CDHR4: variants seen among roughly 807,000 people sequenced by gnomAD.
The protein encoded by CDHR4 is cadherin-related family member 4.
A neutral mutation model predicts 88.4 loss-of-function variants in CDHR4; 89 were observed. The observed-to-expected ratio is 1.01, with a 90% confidence interval of 0.85 to 1.20. The LOEUF (loss-of-function observed/expected upper bound fraction) is 1.20. CDHR4 is among the 50% of genes most tolerant of loss of function. The pLI, the probability that CDHR4 is intolerant of heterozygous loss-of-function variation, is 0.00. For missense variants in CDHR4, 914 were observed against 1,007.2 expected, an observed-to-expected ratio of 0.91 and a Z score of 1.25; for synonymous variants, 368 against 399.2, an observed-to-expected ratio of 0.92 and a Z score of 0.93.
Position 49,796,959 on chromosome 3 carries a change from T to G in CDHR4, c.569A>C (p.Gln190Pro). The G allele has an allele frequency of 6.4e-7, 1 of 1,551,738 alleles. No individual in the cohort carries two copies. The highest frequency in any genetic ancestry group is 8.7e-7 in the Non-Finnish European group (1 of 1,146,990). The change falls in exon 5 of 19, where the codon CAG becomes CCG. Residue 190 changes from glutamine (Q) to proline (P), a missense_variant. By Grantham distance (76) the Gln-to-Pro change is moderately conservative. Coordinates refer to ENST00000412678, the MANE Select transcript of CDHR4 (RefSeq NM_001007540.4). ...PFSINEQGWL[Q>P]APSQGLLGQA... ...GCCTAGGAGGCCCTGGGATGGTGCC[T>G]GCAGCCAACCTTGCTCATTGATGGA...
upstream of CDHR4, among the ~76,000 whole-genome samples, chr3:49,801,576 C>T (rs931665085): frequency 6.6e-6 from 1 of 152,228 alleles, no homozygotes; most frequent in African/African-American, 2.4e-5. Context: ...TCAAGGGTTA[C>T]GTGTCCATAA....
chr3:49,797,049 G>T lies in CDHR4; in HGVS notation c.496-17C>A, dbSNP rs1229522157. 1 of 1,547,074 alleles carries T rather than the reference G, an allele frequency of 6.5e-7. No homozygotes were observed. ...AATGCTCATCTGACAGAACAGAGAT[G>T]CTGGCAACCACATTCAGCCCCCAGT... is the stretch of plus-strand genomic sequence containing the variant. On this transcript the variant is annotated splice_polypyrimidine_tract_variant and intron_variant, in intron 4 of 18. Transcript: ENST00000412678.
At chr3:49,801,768 G>A (rs1041582494), upstream of CDHR4, among the ~76,000 whole-genome samples, 1 of 152,188 alleles carries the variant, frequency 6.6e-6, no homozygotes, top group African/African-American at 2.4e-5. Flanking sequence ...ATACCCCAAA[G>A]TGACCCCCTT....
chr3:49,801,394 T>C (rs761323961), upstream of CDHR4, among the ~76,000 whole-genome samples: 28 of 152,216 alleles, frequency 1.8e-4, no homozygotes, highest in Non-Finnish European at 2.6e-4. Flanking sequence ...TCCCTCTGAC[T>C]ACACTGATTT....
intron 10 of CDHR4, 63 bp downstream of exon 10, chr3:49,794,545 C>T (rs2081237484): frequency 2.3e-6 from 3 of 1,315,852 alleles, no homozygotes; most frequent in African/African-American, 1.5e-5. Context: ...CTGTCCTGAG[C>T]ATGGGAAGCG....
intron 10 of CDHR4, among the ~76,000 whole-genome samples, chr3:49,794,314 C>T (rs1050172076): frequency 6.6e-6 from 1 of 151,924 alleles, no homozygotes; most frequent in Non-Finnish European, 1.5e-5. Context: ...AGGAGAATGG[C>T]GTGAACCCGG....
chr3:49,791,932 G>T lies in CDHR4; in HGVS notation c.2166C>A (p.Ser722Arg). 7.1e-6 allele frequency: 11 copies of T among 1,551,730 alleles called. No homozygotes were observed. Among genetic ancestry groups the T allele is most frequent in the Non-Finnish European group, 9.6e-6 (11 of 1,146,994 alleles). The change falls in exon 16 of 19, where the codon AGC becomes AGA. Residue 722 changes from serine (S) to arginine (R), a missense_variant. Physicochemically the swap from Ser to Arg is moderately radical, Grantham distance 110 (BLOSUM62 -1). Coordinates refer to ENST00000412678, the MANE Select transcript of CDHR4 (RefSeq NM_001007540.4). ...QGLAQLLQAP[S>R]KPAQALLLNS... ...TTAGCAGCAAAGCCTGGGCTGGTTT[G>T]CTGGGTGCTTGCAGCAGCTGGGCCA...
chr3:49,797,999 C>A (rs113096097), intron 4 of CDHR4, among the ~76,000 whole-genome samples: 1 of 151,108 alleles, frequency 6.6e-6, no homozygotes, highest in African/African-American at 2.4e-5. Flanking sequence ...CCTCCACCTC[C>A]TGGGTTCAAG....
chr3:49,802,334 C>T (rs1436364809), upstream of CDHR4, among the ~76,000 whole-genome samples: 3 of 152,134 alleles, frequency 2.0e-5, no homozygotes, highest in Non-Finnish European at 2.9e-5. Flanking sequence ...CCACCACGCC[C>T]GGCTAATTTT....
Position 49,791,800 on chromosome 3 carries a change from T to G in CDHR4, c.2197A>C (p.Ile733Leu). ...TCGATGGATCCCTCAGTTCCCTGGA[T>G]GCTGGGGCAAAGTACGAGCAAGAGT... ...KPAQALLLNS[I>L]QGTEGSIEGF... The change falls in exon 17 of 19, where the codon ATC becomes CTC. Residue 733 changes from isoleucine to leucine, a missense_variant and splice_region_variant. Physicochemically the swap from Ile to Leu is conservative, Grantham distance 5. Transcript: ENST00000412678. The G allele has an allele frequency of 6.4e-7, 1 of 1,551,714 alleles. No homozygotes were observed. Among genetic ancestry groups the G allele is most frequent in the Admixed American group, 2.0e-5 (1 of 51,004 alleles).
rs766303363 is a variant in CDHR4 at position 49,793,631 on chromosome 3, G to C, written c.1575C>G (p.Asn525Lys). 202 of 1,551,616 alleles carry C rather than the reference G, an allele frequency of 1.3e-4. No individual in the cohort carries two copies. Among genetic ancestry groups the C allele is most frequent in the Non-Finnish European group, 1.7e-4 (193 of 1,147,004 alleles). The part of the protein sequence containing the change: ...VLVIDHGQDQ[N>K]PNHHLSGSCT... ...AGGAGCCTGAGAGGTGATGGTTGGG[G>C]TTCTGGTCTTGGCCATGGTCAATCA... Residue 525 changes from asparagine (N) to lysine (K), a missense_variant, in exon 12 of 19, where the codon AAC (asparagine) becomes AAG (lysine). Physicochemically the swap from Asn to Lys is moderately conservative, Grantham distance 94. Coordinates refer to ENST00000412678, the MANE Select transcript of CDHR4 (RefSeq NM_001007540.4).
chr3:49,794,791 A>G (rs2081242624), intron 9 of CDHR4, 90 bp from the exon 10 acceptor site: 2 of 1,424,468 alleles, frequency 1.4e-6, no homozygotes, highest in Non-Finnish European at 1.9e-6. Context: ...GCATCCACAA[A>G]TATCTTGCCT....
upstream of CDHR4, chr3:49,799,890 A>C (rs910717158): frequency 6.6e-7 from 1 of 1,521,100 alleles, no homozygotes; most frequent in Non-Finnish European, 9.1e-7. Flanking sequence ...TTGCCAGGTC[A>C]GTTGCTCAAA....
rs1382980583 is a variant in CDHR4, at chr3:49,791,432, G to A, written c.2311+9C>T. 4 of 1,542,188 alleles carry A rather than the reference G, an allele frequency of 2.6e-6. No individual in the cohort carries two copies. The highest frequency in any genetic ancestry group is 2.8e-5 in the African/African-American group (2 of 72,048). On this transcript the variant is annotated intron_variant, in intron 18 of 18. Transcript: ENST00000412678. ...AGGCAGAGAATAGCTTAGGAAGAGGGGGACTCACGGGAGTCCTGTGCTCTG... is the reference window on the plus strand; with the variant it reads ...AGGCAGAGAATAGCTTAGGAAGAGGAGGACTCACGGGAGTCCTGTGCTCTG...
At position 49,796,936 on chromosome 3, in the gene CDHR4, C is replaced by G. The variant is rs1559728412; in HGVS notation, c.592G>C (p.Gly198Arg). ...GTCATGCTCACCTTTTGAGCCTGGC[C>G]TAGGAGGCCCTGGGATGGTGCCTGC... ...WLQAPSQGLL[G>R]QAQKVFQLQI... The change falls in exon 5 of 19, where the codon GGC becomes CGC. Residue 198 changes from glycine (G) to arginine (R), a missense_variant. Physicochemically the swap from Gly to Arg is moderately radical, Grantham distance 125. Transcript: ENST00000412678. 14 of 1,551,486 alleles carry G rather than the reference C, an allele frequency of 9.0e-6. No homozygotes were observed. Among genetic ancestry groups the G allele is most frequent in the Non-Finnish European group, 1.2e-5 (14 of 1,146,848 alleles).
chr3:49,791,542 TA>T (rs2081179950), intron 17 of CDHR4, 74 bp from the exon 18 acceptor site: 28 of 1,519,248 alleles, frequency 1.8e-5, no homozygotes, highest in Non-Finnish European at 2.4e-5. Flanking sequence ...GGCCTGCCCC[TA>T]GGGGGCCAGA....
Position 49,795,972 on chromosome 3 carries a change from CA to C in CDHR4, c.680del (p.Leu227CysfsTer67). The C allele has an allele frequency of 6.5e-7, 1 of 1,544,806 alleles. No individual in the cohort carries two copies. Among genetic ancestry groups the C allele is most frequent in the South Asian group, 1.2e-5 (1 of 82,868 alleles). On this transcript the variant is annotated frameshift_variant, in exon 6 of 19. Transcript: ENST00000412678. LOFTEE classifies it high-confidence loss of function. This position sits in a 1 kb window ranked among gnomAD's most constrained non-coding sequence, Gnocchi z 5.4. ...AGGAGACCTGGCTGGAGGGAACAGG[CA>C]AAACCTTCACTATCACCATCCCTTG... ...SCQGMVIVKV[L>X]PVPSSQVSFL...
At position 49,795,031 on chromosome 3, in the gene CDHR4, A is replaced by G. The variant is rs545530825; in HGVS notation, c.1101T>C (p.Ser367=). 5.2e-6 allele frequency: 8 copies of G among 1,551,676 alleles called. No homozygotes were observed. The highest frequency in any genetic ancestry group is 6.1e-6 in the Non-Finnish European group (7 of 1,146,980). The part of the protein sequence containing the change: ...LNTLTCEDPD[S]VGATLDYKLW... ...GCTTGTAGTCCAGGGTGGCACCAAC[A>G]GAGTCCGGATCTTCGCAAGTGAGAG... Residue 367 remains serine, a synonymous_variant, in exon 9 of 19, where the codon TCT becomes TCC. Transcript: ENST00000412678. The surrounding 1 kb of genome is among the most constrained non-coding windows in gnomAD (Gnocchi z 5.4).
Position 49,792,915 on chromosome 3 carries a change from A to C in CDHR4, c.1934T>G (p.Ile645Ser). The C allele has an allele frequency of 1.3e-6, 2 of 1,551,396 alleles. No individual in the cohort carries two copies. The highest frequency in any genetic ancestry group is 1.7e-6 in the Non-Finnish European group (2 of 1,146,832). ...CCTCCGGGGAACTAGATGCACAATAATGGTGGCTGTGGTGCTGAGGTGGGG... is the reference window on the plus strand; with the variant it reads ...CCTCCGGGGAACTAGATGCACAATACTGGTGGCTGTGGTGCTGAGGTGGGG... ...STPHLSTTAT[I>S]IVHLVPRRAS... Residue 645 changes from isoleucine (I) to serine (S), a missense_variant, in exon 14 of 19, where the codon ATT (isoleucine) becomes AGT (serine). By Grantham distance (142) the Ile-to-Ser change is moderately radical (BLOSUM62 -2). Transcript: ENST00000412678.
Sources: allele counts gnomAD v4.1 joint callset (sites outside exome capture counted in the v4.1 genomes callset), GRCh38; gene constraint gnomAD v4.1.1; non-coding constraint Gnocchi (gnomAD v3.1); transcripts MANE v1.5; gene names NCBI Gene and HGNC (gene_info 2026-07-23, HGNC 2026-07-21).